MYO6: variants seen among roughly 807,000 people sequenced by gnomAD.
The protein encoded by MYO6 is myosin VI, also known as unconventional myosin-VI.
Under a neutral mutation model 178.7 loss-of-function variants are expected in MYO6, and 74 were observed. That is an observed-to-expected ratio of 0.41 (90% confidence interval 0.34 to 0.50). The LOEUF (loss-of-function observed/expected upper bound fraction) is 0.50, where lower values mean the gene tolerates loss of function less well. MYO6 is among the 20% of genes least tolerant of loss of function. The pLI, the probability that MYO6 is intolerant of heterozygous loss-of-function variation, is 0.09. For missense variants in MYO6, 1,330 were observed against 1,547.4 expected (o/e 0.86, Z 2.36); for synonymous variants, 477 against 504.6 (o/e 0.95, Z 0.73).
chr6:75,789,891 CT>C (rs1174136461), intron 1 of MYO6, among the ~76,000 whole-genome samples: 3 of 152,188 alleles, frequency 2.0e-5, no homozygotes, highest in African/African-American at 7.2e-5. Flanking sequence ...GGTCCTCCCC[CT>C]GTCCTCCACC....
rs1282168549 is a variant in MYO6, at chr6:75,765,273, T to G, written c.-48+15850T>G. ...CTCACTGCAACCTCCACCCCCTGGG[T>G]CCAAGCGATTCTCGAGCCTCAGCCT... On this transcript the variant is annotated intron_variant, in intron 1 of 34. Transcript: ENST00000369977. Among the ~76,000 whole-genome samples, 4 of 131,042 alleles carry G rather than the reference T, an allele frequency of 3.1e-5. 1 individual carries two copies. 86.0% of individuals were successfully genotyped at this position (131,042 alleles called of 152,430 possible).
chr6:75,910,393 T>G (rs1780673948), intron 32 of MYO6, among the ~76,000 whole-genome samples: 1 of 152,182 alleles, frequency 6.6e-6, no homozygotes, highest in South Asian at 2.1e-4. Context: ...TACACATATT[T>G]ATTGTATTTG....
intron 1 of MYO6, among the ~76,000 whole-genome samples, chr6:75,789,632 T>C (rs554079831): frequency 1.3e-4 from 20 of 152,328 alleles, no homozygotes; most frequent in African/African-American, 4.6e-4. Flanking sequence ...TTATTTATAA[T>C]TGACACATAA....
rs761022424 is a variant in MYO6 at position 75,848,520 on chromosome 6, G to A, written c.1067G>A (p.Gly356Asp). 1.2e-6 allele frequency: 2 copies of A among 1,613,244 alleles called. No homozygotes were observed. Among genetic ancestry groups the A allele is most frequent in the Non-Finnish European group, 8.5e-7 (1 of 1,179,660 alleles). Residue 356 changes from glycine to aspartate, a missense_variant, in exon 11 of 35, where the codon GGC becomes GAC. Coordinates refer to ENST00000369977, the MANE Select transcript of MYO6 (RefSeq NM_004999.4). ...GGAAATATTGATTTTGAGGAAGCTG[G>A]CAGCACTTCAGGTTTGCTTTTTATT... is the stretch of plus-strand genomic sequence containing the variant. ...HLGNIDFEEAGSTSGGCNLKN... is the reference protein window; with the variant it reads ...HLGNIDFEEADSTSGGCNLKN...
At chr6:75,805,931 A>G (rs73751016) in intron 1 of MYO6, among the ~76,000 whole-genome samples, 7 of 152,146 alleles carry the variant, frequency 4.6e-5, no homozygotes, top group Non-Finnish European at 7.4e-5. Context: ...CTTTTTAAGT[A>G]CTCTTCATAT....
chr6:75,842,861 C>T (rs984981886), intron 9 of MYO6, among the ~76,000 whole-genome samples: 1 of 152,018 alleles, frequency 6.6e-6, no homozygotes, highest in African/African-American at 2.4e-5. Flanking sequence ...TTTTGGGTTT[C>T]AGAATGTACA....
At chr6:75,769,000 A>G (rs915569606) in intron 1 of MYO6, among the ~76,000 whole-genome samples, 5 of 152,064 alleles carry the variant, frequency 3.3e-5, no homozygotes, top group Non-Finnish European at 7.4e-5. Flanking sequence ...GAGTGGCAGC[A>G]AGAGAAAAAG....
At chr6:75,882,575 T>G (rs1778128384) in intron 23 of MYO6, among the ~76,000 whole-genome samples, 1 of 152,090 alleles carries the variant, frequency 6.6e-6, no homozygotes, top group Non-Finnish European at 1.5e-5. Flanking sequence ...TGTTGAAATC[T>G]TAAAAGATGA....
At chr6:75,912,278 GATTAGT>G (rs1490790581) in intron 33 of MYO6, among the ~76,000 whole-genome samples, 4 of 151,960 alleles carry the variant, frequency 2.6e-5, no homozygotes, top group Non-Finnish European at 5.9e-5. Context: ...AGAATTAGTT[GATTAGT>G]AATGATTTGG....
At chr6:75,895,124 G>A in intron 28 of MYO6, 107 bp from the exon 29 acceptor site, 1 of 818,982 alleles carries the variant, frequency 1.2e-6, no homozygotes, top group Non-Finnish European at 2.0e-6. Context: ...AAATAATTGA[G>A]TTTTTAAAAT....
chr6:75,778,843 G>A (rs1296994281), intron 1 of MYO6, among the ~76,000 whole-genome samples: 1 of 151,640 alleles, frequency 6.6e-6, no homozygotes, highest in Non-Finnish European at 1.5e-5. Flanking sequence ...GATCCTTTGA[G>A]CCCAGGAGTT....
chr6:75,824,852 C>T lies in MYO6; in HGVS notation c.187+2001C>T, dbSNP rs13198022. On this transcript the variant is annotated intron_variant, in intron 3 of 34. Coordinates refer to ENST00000369977, the MANE Select transcript of MYO6 (RefSeq NM_004999.4). ...TCAGCTCACTGCAACCTTCGCCTCC[C>T]GGGTTCCAGCAATTCTTCTGCTTCA... Among the ~76,000 whole-genome samples, 6 of 151,968 alleles carry T rather than the reference C, an allele frequency of 3.9e-5. No homozygotes were observed. In the South Asian group the frequency reaches 8.3e-4, roughly 21 times the overall value.
chr6:75,910,247 G>A (rs1160190298), intron 32 of MYO6, among the ~76,000 whole-genome samples: 1 of 152,096 alleles, frequency 6.6e-6, no homozygotes, highest in East Asian at 1.9e-4. Context: ...CTTTTTAGCT[G>A]TAAATATTAT....
intron 6 of MYO6, among the ~76,000 whole-genome samples, chr6:75,834,268 A>G (rs925151677): frequency 1.3e-5 from 2 of 151,864 alleles, no homozygotes; most frequent in African/African-American, 2.4e-5. Context: ...TCTGTTGCCC[A>G]GTCACCCAGG....
At chr6:75,818,185 A>C (rs1429509501) in intron 2 of MYO6, among the ~76,000 whole-genome samples, 2 of 152,194 alleles carry the variant, frequency 1.3e-5, no homozygotes, top group African/African-American at 4.8e-5. Context: ...AATTCTGTAC[A>C]CATGGTATTT....
intron 1 of MYO6, among the ~76,000 whole-genome samples, chr6:75,785,543 C>T (rs1255889161): frequency 6.7e-5 from 10 of 149,228 alleles, no homozygotes; most frequent in Non-Finnish European, 1.5e-4. Context: ...TATTCACAGG[C>T]GTGACTGCAG....
chr6:75,828,811 A>G (rs1415684038), intron 4 of MYO6, among the ~76,000 whole-genome samples, 198 bp downstream of exon 4: 1 of 152,182 alleles, frequency 6.6e-6, no homozygotes, highest in South Asian at 2.1e-4. Context: ...CATGCCTGGT[A>G]CACAGAAAGC....
chr6:75,769,903 G>GA (rs748955801), intron 1 of MYO6, among the ~76,000 whole-genome samples: 44 of 143,778 alleles, frequency 3.1e-4, no homozygotes, highest in East Asian at 8.2e-4. Flanking sequence ...CTGTCTCAAA[G>GA]GAAAAAAAAA....
intron 1 of MYO6, among the ~76,000 whole-genome samples, chr6:75,757,168 A>G (rs895951028): frequency 6.8e-6 from 1 of 147,748 alleles, no homozygotes; most frequent in African/African-American, 2.5e-5. Flanking sequence ...GTGTATGTAT[A>G]TACACACATA....
Sources: gnomAD v4.1 joint callset for allele counts (sites outside exome capture counted in the v4.1 genomes callset) on GRCh38, gnomAD v4.1.1 for gene constraint, MANE v1.5 for transcripts, NCBI Gene and HGNC (gene_info 2026-07-23, HGNC 2026-07-21) for gene names.